Variants in NLK observed in about 807,000 individuals in gnomAD.
The protein encoded by NLK is nemo like kinase.
In NLK, 11 loss-of-function variants were observed where a neutral mutation model predicts 59.0. The observed-to-expected ratio is 0.19, with a 90% confidence interval of 0.12 to 0.31. NLK has a LOEUF of 0.31. Among genes scored for constraint, NLK ranks in the 10% least tolerant of loss-of-function variants. The pLI, the probability that NLK is intolerant of heterozygous loss-of-function variation, is 1.00. For missense variants in NLK, 410 were observed against 661.1 expected, an observed-to-expected ratio of 0.62 and a Z score of 4.16; for synonymous variants, 235 against 235.9, an observed-to-expected ratio of 1.00 and a Z score of 0.03.
At chr17:28,171,239 C>A in intron 6 of NLK, 1 of 152,150 alleles carries the variant, frequency 6.6e-6, no homozygotes, top group East Asian at 1.9e-4. Flanking sequence ...CTCCATTAAC[C>A]TGTAGGGTGT....
chr17:28,183,642 T>G (rs1198584674), intron 7 of NLK, among the ~76,000 whole-genome samples: 1 of 152,112 alleles, frequency 6.6e-6, no homozygotes, highest in Non-Finnish European at 1.5e-5. Context: ...GCCTGTGACT[T>G]TATTGTTATT....
rs765710167 is a variant in NLK, at chr17:28,163,180, A to G, written c.752-363A>G. On this transcript the variant is annotated intron_variant, in intron 4 of 10. Transcript: ENST00000407008. ...GTAATGGAAACTGTTTTGTTGGAGCAGGCTCCGAGTTGCAGGTTAAGAGTA... is the reference window on the plus strand; with the variant it reads ...GTAATGGAAACTGTTTTGTTGGAGCGGGCTCCGAGTTGCAGGTTAAGAGTA... 1.2e-4 allele frequency among the ~76,000 whole-genome samples: 18 copies of G among 152,356 alleles called. 1 individual carries two copies. The highest frequency in any genetic ancestry group is 2.4e-4 in the Non-Finnish European group (16 of 68,032).
rs1555567559 is a variant in NLK at position 28,195,010 on chromosome 17, CACACAA to C, written c.*382_*387del. 6 of 164,650 alleles carry C rather than the reference CACACAA, an allele frequency of 3.6e-5. No individual in the cohort carries two copies. The highest frequency in any genetic ancestry group is 6.6e-5 in the Non-Finnish European group (5 of 76,222). 10.2% of individuals were successfully genotyped at this position (164,650 alleles called of 1,614,324 possible). A position where few individuals can be genotyped will look rare whatever the true frequency, so the allele number is the denominator to read the frequency against. On this transcript the variant is annotated 3_prime_UTR_variant, in exon 11 of 11. Coordinates refer to ENST00000407008, the MANE Select transcript of NLK (RefSeq NM_016231.5). ...ACACACACACACACACACACACACA[CACACAA>C]ACACAAAGGACAGTCATACATTTTG...
intron 1 of NLK, among the ~76,000 whole-genome samples, chr17:28,072,026 C>T (rs1244025530): frequency 6.6e-6 from 1 of 152,184 alleles, no homozygotes; most frequent in Non-Finnish European, 1.5e-5. Flanking sequence ...CAACCAACCA[C>T]CCAACAAAAA....
the NLK span, among the ~76,000 whole-genome samples, chr17:28,201,982 C>T: frequency 6.6e-6 from 1 of 152,094 alleles, no homozygotes; most frequent in Non-Finnish European, 1.5e-5. Flanking sequence ...CGCCACTGCA[C>T]TCTGGCCTCG....
intron 3 of NLK, among the ~76,000 whole-genome samples, chr17:28,152,629 T>C (rs1319211907): frequency 6.9e-6 from 1 of 144,628 alleles, no homozygotes; most frequent in Non-Finnish European, 1.5e-5. Flanking sequence ...TGCTTTATAC[T>C]TTTTTTTTTT....
At chr17:28,064,728 T>C (rs1477610057) in intron 1 of NLK, among the ~76,000 whole-genome samples, 2 of 152,346 alleles carry the variant, frequency 1.3e-5, no homozygotes, top group South Asian at 4.1e-4. Flanking sequence ...TGCAGTCTTT[T>C]AAGATAGTCT....
chr17:28,161,280 A>G lies in NLK; in HGVS notation c.751+14A>G, dbSNP rs2305986. ...AGATTTTGCGAGGTAAGATTTCTTTATGAAGAAAAAGGTGCTGTCACACTG... is the reference window on the plus strand; with the variant it reads ...AGATTTTGCGAGGTAAGATTTCTTTGTGAAGAAAAAGGTGCTGTCACACTG... On this transcript the variant is annotated intron_variant, in intron 4 of 10. Coordinates refer to ENST00000407008, the MANE Select transcript of NLK (RefSeq NM_016231.5). 1,030 of 1,456,914 alleles carry G rather than the reference A, an allele frequency of 7.1e-4. 21 individuals carry two copies. The East Asian group carries it at 0.017, about 23-fold the overall frequency. 90.2% of individuals were successfully genotyped at this position (1,456,914 alleles called of 1,614,324 possible). A position where few individuals can be genotyped will look rare whatever the true frequency, so the allele number is the denominator to read the frequency against.
intron 1 of NLK, among the ~76,000 whole-genome samples, chr17:28,121,910 A>T (rs1906078238): frequency 6.6e-6 from 1 of 152,120 alleles, no homozygotes; most frequent in South Asian, 2.1e-4. Context: ...AATTGGTTAT[A>T]TAGGTGTTGG....
rs575142690 is a variant in NLK at position 28,147,382 on chromosome 17, C to T, written c.645-13778C>T. 3.3e-5 allele frequency among the ~76,000 whole-genome samples: 5 copies of T among 152,182 alleles called. No homozygotes were observed. The South Asian group carries it at 1.0e-3, about 32-fold the overall frequency. ...TGTGTAGCTTTTTCTGAGGAATTACCTTTGACAGTTGGGGTAGTCAGTATT... is the reference window on the plus strand; with the variant it reads ...TGTGTAGCTTTTTCTGAGGAATTACTTTTGACAGTTGGGGTAGTCAGTATT... On this transcript the variant is annotated intron_variant, in intron 3 of 10. Transcript: ENST00000407008.
At chr17:28,183,453 T>C (rs1908993858) in intron 7 of NLK, among the ~76,000 whole-genome samples, 1 of 152,140 alleles carries the variant, frequency 6.6e-6, no homozygotes, top group African/African-American at 2.4e-5. Context: ...ATCAGACTCC[T>C]GAGTAGCTGG....
downstream of NLK, among the ~76,000 whole-genome samples, chr17:28,198,317 AAG>A (rs1377152016): frequency 6.6e-6 from 1 of 151,320 alleles, no homozygotes; most frequent in Non-Finnish European, 1.5e-5. Context: ...GTATACTTTT[AAG>A]AGAGTCAACT....
chr17:28,132,215 A>G (rs1179221056), intron 2 of NLK, among the ~76,000 whole-genome samples: 2 of 152,232 alleles, frequency 1.3e-5, no homozygotes, highest in South Asian at 2.1e-4. Flanking sequence ...GTTCAACAGG[A>G]TAACCTAAAA....
chr17:28,081,487 TA>T (rs1910345764), intron 1 of NLK, among the ~76,000 whole-genome samples: 1 of 152,142 alleles, frequency 6.6e-6, no homozygotes, highest in African/African-American at 2.4e-5. Context: ...ATTAAATAAA[TA>T]TTAGAAATGA....
chr17:28,110,579 T>G (rs1905422388), intron 1 of NLK, among the ~76,000 whole-genome samples: 1 of 152,050 alleles, frequency 6.6e-6, no homozygotes, highest in Non-Finnish European at 1.5e-5. Flanking sequence ...TTCAAATACT[T>G]GTTCTGCCTC....
At chr17:28,052,891 T>G (rs1393417067) in intron 1 of NLK, among the ~76,000 whole-genome samples, 3 of 150,404 alleles carry the variant, frequency 2.0e-5, no homozygotes, top group Non-Finnish European at 1.5e-5. Context: ...CTCTGGTGTT[T>G]TTTTTTTTTT....
chr17:28,138,103 GAA>G (rs777316290), intron 3 of NLK, among the ~76,000 whole-genome samples: 2 of 152,144 alleles, frequency 1.3e-5, no homozygotes, highest in Non-Finnish European at 2.9e-5. Flanking sequence ...TTGTTTATTA[GAA>G]AACGGAGTTT....
chr17:28,055,715 G>T (rs1270426469), intron 1 of NLK, among the ~76,000 whole-genome samples: 1 of 152,096 alleles, frequency 6.6e-6, no homozygotes, highest in Non-Finnish European at 1.5e-5. Flanking sequence ...GTAAATGTTA[G>T]CTATCACAAT....
At chr17:28,146,790 G>C (rs1907274307) in intron 3 of NLK, among the ~76,000 whole-genome samples, 1 of 152,080 alleles carries the variant, frequency 6.6e-6, no homozygotes, top group African/African-American at 2.4e-5. Flanking sequence ...GAAGGACAGA[G>C]TACAAGAACG....
Sources: gnomAD v4.1 joint callset for allele counts (sites outside exome capture counted in the v4.1 genomes callset) on GRCh38, gnomAD v4.1.1 for gene constraint, MANE v1.5 for transcripts, NCBI Gene and HGNC (gene_info 2026-07-23, HGNC 2026-07-21) for gene names.